Variants in SPINK5 observed in about 807,000 individuals in gnomAD.
SPINK5 encodes the protein serine protease inhibitor Kazal-type 5.
Under a neutral mutation model 151.8 loss-of-function variants are expected in SPINK5, and 125 were observed. That is an observed-to-expected ratio of 0.82 (90% CI 0.71 to 0.96). The LOEUF (loss-of-function observed/expected upper bound fraction) is 0.96, where lower values mean the gene tolerates loss of function less well. Among genes scored for constraint, SPINK5 ranks in the 40% least tolerant of loss-of-function variants. SPINK5 has a pLI of 0.00. For synonymous variants in SPINK5, 374 were observed against 395.3 expected (o/e 0.95, Z 0.64); for missense variants, 1,194 against 1,291.9 (o/e 0.92, Z 1.16).
At chr5:148,074,578 A>C (rs10052211) in intron 4 of SPINK5, among the ~76,000 whole-genome samples, 71,228 of 151,472 alleles carry the variant, frequency 0.47, 17,415 homozygotes, top group Admixed American at 0.6. Flanking sequence ...CCCCCTTCTT[A>C]GTTCATGTTG....
Position 148,065,299 on chromosome 5 carries a change from T to G in SPINK5, c.56-48T>G, listed in dbSNP as rs530090711. ...TAAATGGATTATTTGTTTTGTTTATTAAATATTTTACATTTCCTTAACTTT... is the reference window on the plus strand; with the variant it reads ...TAAATGGATTATTTGTTTTGTTTATGAAATATTTTACATTTCCTTAACTTT... On this transcript the variant is annotated intron_variant, in intron 1 of 32. Transcript: ENST00000256084. The G allele has an allele frequency of 1.5e-5, 24 of 1,591,838 alleles. No individual in the cohort carries two copies. In the South Asian group the frequency reaches 1.7e-4, roughly 11 times the overall value.
chr5:148,084,866 G>T (rs1347684647), intron 4 of SPINK5, among the ~76,000 whole-genome samples: 1 of 151,638 alleles, frequency 6.6e-6, no homozygotes, highest in Non-Finnish European at 1.5e-5. Context: ...GGTCACTATT[G>T]TATTTTTCTG....
chr5:148,107,621 T>C (rs1753816546), intron 17 of SPINK5, among the ~76,000 whole-genome samples: 1 of 152,186 alleles, frequency 6.6e-6, no homozygotes, highest in Admixed American at 6.5e-5. Context: ...GGAAGGATTG[T>C]TATTTATCCT....
intron 4 of SPINK5, among the ~76,000 whole-genome samples, chr5:148,073,272 C>T (rs1461433747): frequency 5.9e-5 from 9 of 151,900 alleles, no homozygotes; most frequent in Admixed American, 5.3e-4. Flanking sequence ...GGTCTAACAA[C>T]GCTGACATCT....
intron 26 of SPINK5, among the ~76,000 whole-genome samples, chr5:148,121,282 C>T (rs972939752): frequency 6.6e-6 from 1 of 151,514 alleles, no homozygotes; most frequent in African/African-American, 2.4e-5. Flanking sequence ...CACTACAACA[C>T]CAACACGTAG....
At chr5:148,091,443 A>T (rs1396571417) in intron 8 of SPINK5, among the ~76,000 whole-genome samples, 6 of 151,820 alleles carry the variant, frequency 4.0e-5, no homozygotes, top group Non-Finnish European at 7.4e-5. Context: ...CAAAATGTGC[A>T]GTTTCCACCT....
chr5:148,109,726 A>G (rs137893321), intron 18 of SPINK5, among the ~76,000 whole-genome samples: 8 of 152,200 alleles, frequency 5.3e-5, no homozygotes, highest in Admixed American at 3.3e-4. Context: ...AGAAGAGCTC[A>G]TTTCTACTGC....
At chr5:148,116,499 C>T (rs372844384) in intron 22 of SPINK5, 33 bp downstream of exon 22, 46 of 1,600,748 alleles carry the variant, frequency 2.9e-5, no homozygotes, top group Non-Finnish European at 3.3e-5. Context: ...GTAACTGGGG[C>T]GGGCTCAACT....
At chr5:148,117,823 C>G (rs1031584525) in intron 22 of SPINK5, among the ~76,000 whole-genome samples, 2 of 152,124 alleles carry the variant, frequency 1.3e-5, no homozygotes, top group Admixed American at 6.5e-5. Context: ...ACCAATCCCC[C>G]AAGTGTACCA....
At chr5:148,091,117 A>C (rs1753296980) in intron 7 of SPINK5, 48 bp from the exon 8 acceptor site, 2 of 1,519,174 alleles carry the variant, frequency 1.3e-6, no homozygotes, top group East Asian at 4.6e-5. Flanking sequence ...AGGATACTGA[A>C]AATATGATTG....
chr5:148,091,568 A>G (rs1753310732), intron 8 of SPINK5, among the ~76,000 whole-genome samples: 1 of 151,790 alleles, frequency 6.6e-6, no homozygotes, highest in South Asian at 2.1e-4. Flanking sequence ...AACCCATTTT[A>G]CTCTGTATAA....
chr5:148,089,737 C>T, intron 7 of SPINK5, 116 bp downstream of exon 7: 1 of 1,466,422 alleles, frequency 6.8e-7, no homozygotes, highest in Non-Finnish European at 9.5e-7. Context: ...TTTGTCTTTA[C>T]ACTGTGAAAT....
At chr5:148,130,661 A>C (rs973946191) in intron 30 of SPINK5, among the ~76,000 whole-genome samples, 1 of 152,174 alleles carries the variant, frequency 6.6e-6, no homozygotes, top group African/African-American at 2.4e-5. Context: ...ACTAAAATTT[A>C]CTGAACACTT....
intron 2 of SPINK5, among the ~76,000 whole-genome samples, chr5:148,068,467 C>T (rs6894269): frequency 0.011 from 1,557 of 145,144 alleles, 35 homozygotes; most frequent in African/African-American, 0.037. Context: ...TAAGTGATTG[C>T]TGGCTCATTC....
intron 26 of SPINK5, 54 bp from the exon 27 acceptor site, chr5:148,123,779 A>G: frequency 6.2e-7 from 1 of 1,611,590 alleles, no homozygotes; most frequent in Non-Finnish European, 8.5e-7. Context: ...TCATGTTATC[A>G]GGTTTGAAAG....
In SPINK5 at chr5:148,120,135, C is replaced by T; in HGVS notation, c.2440C>T (p.Leu814=). 6.2e-7 allele frequency: 1 copy of T among 1,614,056 alleles called. No homozygotes were observed. Among genetic ancestry groups the T allele is most frequent in the African/African-American group, 1.3e-5 (1 of 75,030 alleles). The change falls in exon 25 of 33, where the codon CTG becomes TTG. Residue 814 remains leucine, a splice_region_variant and synonymous_variant. Coordinates refer to ENST00000256084, the MANE Select transcript of SPINK5 (RefSeq NM_006846.4). The stretch of plus-strand genomic sequence containing the variant: ...TAAGTGTACTATGTGTAAGGAAAAA[C>T]TGTGAGTATGTTTCAAAATGAGCTT... ...GNKCTMCKEK[L]EREAAEKKKK...
Position 148,088,557 on chromosome 5 carries a change from A to G in SPINK5, c.426A>G (p.Gln142=), listed in dbSNP as rs764813956. ...LCAENAKTGS[Q]IGVKSEGECK... ...TTGATTCTAGGAAAACCGGGTCCCA[A>G]ATTGGTGTAAAAAGTGAAGGGGAAT... The change falls in exon 6 of 33, where the codon CAA becomes CAG. Residue 142 remains glutamine, a synonymous_variant. Coordinates refer to ENST00000256084, the MANE Select transcript of SPINK5 (RefSeq NM_006846.4). 2 of 1,611,630 alleles carry G rather than the reference A, an allele frequency of 1.2e-6. No individual in the cohort carries two copies. The highest frequency in any genetic ancestry group is 1.3e-5 in the African/African-American group (1 of 74,680).
At chr5:148,102,023 T>C in intron 15 of SPINK5, 115 bp downstream of exon 15, 1 of 1,471,686 alleles carries the variant, frequency 6.8e-7, no homozygotes, top group Admixed American at 1.8e-5. Flanking sequence ...CATTCAGTCT[T>C]GGGTGTCATA....
At position 148,123,955 on chromosome 5, in the gene SPINK5, C is replaced by G. The variant is rs28408445; in HGVS notation, c.2661C>G (p.Ser887Arg). The change falls in exon 27 of 33, where the codon AGC (serine) becomes AGG (arginine). Residue 887 changes from serine (S) to arginine (R), a missense_variant. Ser to Arg is a moderately radical substitution (Grantham distance 110). Transcript: ENST00000256084. ...MHINKCAMCQSIFDREANERK... is the reference protein window; with the variant it reads ...MHINKCAMCQRIFDREANERK... Reference sequence around the variant, plus strand: ...TCAATAAATGTGCTATGTGTCAGAGCATCTTGTACGTAAAAAGGTTTATCA... The same window carrying G: ...TCAATAAATGTGCTATGTGTCAGAGGATCTTGTACGTAAAAAGGTTTATCA... 12,169 of 1,613,774 alleles carry G rather than the reference C, an allele frequency of 7.5e-3. 760 individuals carry two copies. The African/African-American group carries it at 0.14, about 19-fold the overall frequency.
Sources: allele counts gnomAD v4.1 joint callset (sites outside exome capture counted in the v4.1 genomes callset), GRCh38; gene constraint gnomAD v4.1.1; transcripts MANE v1.5; gene names NCBI Gene and HGNC (gene_info 2026-07-23, HGNC 2026-07-21).